The following CRTAC1 variants were observed in gnomAD, a reference collection of about 807,000 sequenced individuals.
The protein encoded by CRTAC1 is cartilage acidic protein 1, also known as acidic secreted protein in cartilage.
A neutral mutation model predicts 67.8 loss-of-function variants in CRTAC1; 37 were observed. That is an observed-to-expected ratio of 0.55 (90% CI 0.42 to 0.72). The LOEUF is 0.72. CRTAC1 is among the 30% of genes least tolerant of loss of function. The probability of loss-of-function intolerance (pLI) is 0.00; values close to 1 mark genes in which losing one functional copy is unlikely to be tolerated. For synonymous variants in CRTAC1, 348 were observed against 371.0 expected (o/e 0.94, Z 0.71); for missense variants, 780 against 931.6 (o/e 0.84, Z 2.12).
In CRTAC1 at chr10:97,884,281, G is replaced by A. The variant is rs765256004; in HGVS notation, c.1557C>T (p.Ser519=). Residue 519 remains serine (S), a synonymous_variant, in exon 12 of 15, where the codon AGC becomes AGT. Coordinates refer to ENST00000370597, the MANE Select transcript of CRTAC1 (RefSeq NM_018058.7). The part of the protein sequence containing the change: ...DGKMVSRNVA[S]GEMNSVLEIL... Reference sequence around the variant, plus strand: ...TCTCCAGCACTGAGTTCATCTCCCCGCTGGCCACGTTCCGGCTCACCATCT... The same window carrying A: ...TCTCCAGCACTGAGTTCATCTCCCCACTGGCCACGTTCCGGCTCACCATCT... The A allele has an allele frequency of 5.1e-6, 8 of 1,557,880 alleles. No homozygotes were observed. Among genetic ancestry groups the A allele is most frequent in the African/African-American group, 1.4e-5 (1 of 73,480 alleles).
At chr10:97,904,930 G>T (rs539576651) in intron 6 of CRTAC1, 116 bp from the exon 7 acceptor site, 88 of 1,243,298 alleles carry the variant, frequency 7.1e-5, no homozygotes, top group South Asian at 3.9e-4. Flanking sequence ...TCTTGTTCCC[G>T]GGAGGAGATA....
intron 2 of CRTAC1, among the ~76,000 whole-genome samples, chr10:97,976,583 C>G (rs2051807516): frequency 6.6e-6 from 1 of 152,202 alleles, no homozygotes; most frequent in African/African-American, 2.4e-5. Context: ...TACATCGCAG[C>G]AATTTTTAGT....
intron 2 of CRTAC1, among the ~76,000 whole-genome samples, chr10:97,980,904 C>A (rs1256624435): frequency 6.6e-6 from 1 of 152,168 alleles, no homozygotes; most frequent in Non-Finnish European, 1.5e-5. Flanking sequence ...CTCTGGAAAG[C>A]GCATTTCAGA....
At chr10:97,973,519 C>T (rs2051748763) in intron 2 of CRTAC1, among the ~76,000 whole-genome samples, 1 of 152,124 alleles carries the variant, frequency 6.6e-6, no homozygotes, top group Non-Finnish European at 1.5e-5. Context: ...TCTGCATTTC[C>T]AAAGCACTTG....
intron 2 of CRTAC1, among the ~76,000 whole-genome samples, chr10:97,991,099 CAAAAAAA>C (rs757267901): frequency 5.6e-5 from 1 of 17,976 alleles, no homozygotes; most frequent in Non-Finnish European, 1.2e-4. Context: ...ACCATCTCTA[CAAAAAAA>C]AAAAAAAAAA....
At chr10:97,939,823 G>A (rs982924320) in intron 2 of CRTAC1, among the ~76,000 whole-genome samples, 3 of 152,008 alleles carry the variant, frequency 2.0e-5, no homozygotes, top group African/African-American at 4.8e-5. Flanking sequence ...TGCCTGCCCC[G>A]ACTGCCCCTG....
In CRTAC1 at chr10:98,030,484, C is replaced by T; in HGVS notation, c.-12G>A. 3 of 1,246,614 alleles carry T rather than the reference C, an allele frequency of 2.4e-6. No individual in the cohort carries two copies. The highest frequency in any genetic ancestry group is 4.2e-5 in the Admixed American group (1 of 23,716). 77.2% of individuals were successfully genotyped at this position (1,246,614 alleles called of 1,614,324 possible). Reference sequence around the variant, plus strand: ...GCGCTCGGAGCCATCCTCCCGCTCTCGGCCCCGCCGCCTAGGGGCGTGGGA... The same window carrying T: ...GCGCTCGGAGCCATCCTCCCGCTCTTGGCCCCGCCGCCTAGGGGCGTGGGA... On this transcript the variant is annotated 5_prime_UTR_variant, in exon 1 of 15. Coordinates refer to ENST00000370597, the MANE Select transcript of CRTAC1 (RefSeq NM_018058.7). The surrounding 1 kb of genome is among the most constrained non-coding windows in gnomAD (Gnocchi z 4.2).
intron 3 of CRTAC1, among the ~76,000 whole-genome samples, chr10:97,925,856 CGTGT>C (rs2050908546): frequency 6.6e-6 from 1 of 152,034 alleles, no homozygotes; most frequent in African/African-American, 2.4e-5. Context: ...AGGTAAGAAG[CGTGT>C]GTAAGTGACC....
chr10:97,906,532 T>C (rs2050615348), intron 6 of CRTAC1, among the ~76,000 whole-genome samples: 1 of 152,190 alleles, frequency 6.6e-6, no homozygotes, highest in South Asian at 2.1e-4. Flanking sequence ...CTCCAACTTG[T>C]TCGCTCACCT....
Position 98,030,547 on chromosome 10 carries a change from C to T in CRTAC1, c.-75G>A, listed in dbSNP as rs909739645. The stretch of plus-strand genomic sequence containing the variant: ...CTGCCGCCTCTGCCGCCGGCGCCGC[C>T]GCCTGCTTGCTCCCAGCCCCGGTCC... On this transcript the variant is annotated 5_prime_UTR_variant, in exon 1 of 15. Transcript: ENST00000370597. This position sits in a 1 kb window ranked among gnomAD's most constrained non-coding sequence, Gnocchi z 4.2. The T allele has an allele frequency of 1.9e-6, 2 of 1,060,794 alleles. No homozygotes were observed. Among genetic ancestry groups the T allele is most frequent in the Non-Finnish European group, 2.4e-6 (2 of 825,530 alleles). 65.7% of individuals were successfully genotyped at this position (1,060,794 alleles called of 1,614,324 possible). A position where few individuals can be genotyped will look rare whatever the true frequency, so the allele number is the denominator to read the frequency against.
intron 3 of CRTAC1, among the ~76,000 whole-genome samples, chr10:97,927,851 G>A (rs116498729): frequency 1.3e-5 from 2 of 152,116 alleles, no homozygotes; most frequent in East Asian, 1.9e-4. Flanking sequence ...CGAGCTGTGC[G>A]GGTCGATGGC....
At chr10:97,913,322 T>C (rs1414145709) in intron 5 of CRTAC1, among the ~76,000 whole-genome samples, 1 of 151,486 alleles carries the variant, frequency 6.6e-6, no homozygotes, top group Non-Finnish European at 1.5e-5. Flanking sequence ...GTGTGGCGGG[T>C]ATTAGACAAG....
intron 11 of CRTAC1, among the ~76,000 whole-genome samples, chr10:97,887,381 T>C (rs545774122): frequency 6.6e-6 from 1 of 152,198 alleles, no homozygotes; most frequent in South Asian, 2.1e-4. Flanking sequence ...GTAGCTGGGA[T>C]TACAGGCACC....
Position 97,886,596 on chromosome 10 carries a change from C to G in CRTAC1, c.1487-2245G>C, listed in dbSNP as rs56689688. On this transcript the variant is annotated intron_variant, in intron 11 of 14. Coordinates refer to ENST00000370597, the MANE Select transcript of CRTAC1 (RefSeq NM_018058.7). ...TCTACAAGAATTCCTTCTGCAGAAGCGGGGTGAAAATGGGACTGGGGAGTG... is the reference window on the plus strand; with the variant it reads ...TCTACAAGAATTCCTTCTGCAGAAGGGGGGTGAAAATGGGACTGGGGAGTG... Among the ~76,000 whole-genome samples the G allele has an allele frequency of 8.9e-3, 1,346 of 152,020 alleles. 22 individuals are homozygous for G. Among genetic ancestry groups the G allele is most frequent in the African/African-American group, 0.03 (1,255 of 41,416 alleles).
At chr10:97,899,206 C>T (rs763081132) in intron 8 of CRTAC1, among the ~76,000 whole-genome samples, 5 of 152,244 alleles carry the variant, frequency 3.3e-5, no homozygotes, top group Admixed American at 1.3e-4. Flanking sequence ...CTCTCTGCTG[C>T]GTGCTCAGGA....
chr10:97,979,636 A>G lies in CRTAC1; in HGVS notation c.224+31502T>C, dbSNP rs570259962. 1.1e-3 allele frequency among the ~76,000 whole-genome samples: 171 copies of G among 152,258 alleles called. 1 individual carries two copies. Among genetic ancestry groups the G allele is most frequent in the Non-Finnish European group, 6.9e-4 (47 of 68,010 alleles). ...TTTTAGAGTAAGTCAGGCTGATTTA[A>G]TTTTAATCAGCTGAGGCAGCAGAGC... On this transcript the variant is annotated intron_variant, in intron 2 of 14. Transcript: ENST00000370597.
At chr10:98,015,928 C>T (rs373022916) in intron 1 of CRTAC1, among the ~76,000 whole-genome samples, 79 of 152,290 alleles carry the variant, frequency 5.2e-4, no homozygotes, top group African/African-American at 1.7e-3. Flanking sequence ...AGTGAAGGCA[C>T]GAGATTGGTT....
chr10:97,911,087 G>A (rs2050682640), intron 5 of CRTAC1, among the ~76,000 whole-genome samples: 2 of 152,186 alleles, frequency 1.3e-5, no homozygotes, highest in African/African-American at 2.4e-5. Flanking sequence ...TAAAAGAGGT[G>A]CCACTAAGTG....
chr10:97,930,207 C>A (rs979831647), intron 3 of CRTAC1, among the ~76,000 whole-genome samples: 6 of 152,174 alleles, frequency 3.9e-5, no homozygotes, highest in Non-Finnish European at 8.8e-5. Flanking sequence ...TTGCAGATCC[C>A]CCTCTCATGT....
Sources: allele counts gnomAD v4.1 joint callset (sites outside exome capture counted in the v4.1 genomes callset), GRCh38; gene constraint gnomAD v4.1.1; non-coding constraint Gnocchi (gnomAD v3.1); transcripts MANE v1.5; gene names NCBI Gene and HGNC (gene_info 2026-07-23, HGNC 2026-07-21).